The following PBK variants were observed in gnomAD, a reference collection of about 807,000 sequenced individuals.
PBK encodes the protein PDZ binding kinase, also known as lymphokine-activated killer T-cell-originated protein kinase.
In PBK, 22 loss-of-function variants were observed where a neutral mutation model predicts 33.5. The observed-to-expected ratio is 0.66, with a 90% CI of 0.47 to 0.94. The LOEUF (loss-of-function observed/expected upper bound fraction) is 0.94. Among genes scored for constraint, PBK ranks in the 40% least tolerant of loss-of-function variants. The pLI is 0.00. For synonymous variants in PBK, 129 were observed against 123.8 expected (o/e 1.04, Z -0.28); for missense variants, 376 against 383.4 (o/e 0.98, Z 0.16).
Position 27,809,857 on chromosome 8 carries a change from C to G in PBK, c.*448G>C, listed in dbSNP as rs578195214. ...TCTTTTTGAGGCATATTCTCCTCAG[C>G]TTCCAGTTATCATTTGATAAACACA... On this transcript the variant is annotated 3_prime_UTR_variant, in exon 8 of 8. Transcript: ENST00000301905. The G allele has an allele frequency of 6.4e-6, 1 of 155,088 alleles. No homozygotes were observed. Among genetic ancestry groups the G allele is most frequent in the African/African-American group, 2.4e-5 (1 of 41,590 alleles). The allele number at this position is 155,088 out of a possible 1,614,324, so 9.6% of individuals were successfully genotyped here.
chr8:27,819,111 A>G (rs1320139097), intron 6 of PBK, among the ~76,000 whole-genome samples: 1 of 152,096 alleles, frequency 6.6e-6, no homozygotes, highest in Admixed American at 6.5e-5. Context: ...GCTTTATAAA[A>G]CTTTTTATCT....
intron 2 of PBK, among the ~76,000 whole-genome samples, chr8:27,828,439 A>G (rs566772875): frequency 8.0e-4 from 122 of 152,226 alleles, no homozygotes; most frequent in African/African-American, 2.8e-3. Flanking sequence ...CCTACAAGCT[A>G]AGAACTGTTT....
At chr8:27,830,619 A>C (rs1483164728) in intron 2 of PBK, among the ~76,000 whole-genome samples, 1 of 152,236 alleles carries the variant, frequency 6.6e-6, no homozygotes, top group African/African-American at 2.4e-5. Context: ...TGAGCACTTA[A>C]AATGTGACTA....
rs111866395 is a variant in PBK at position 27,822,755 on chromosome 8, A to T, written c.296-267T>A. ...CAGCCCTACTTGTATTAAAAATGAAAAATGAAATCCAGGAAATTACCTAAA... is the reference window on the plus strand; with the variant it reads ...CAGCCCTACTTGTATTAAAAATGAATAATGAAATCCAGGAAATTACCTAAA... On this transcript the variant is annotated intron_variant, in intron 4 of 7. Coordinates refer to ENST00000301905, the MANE Select transcript of PBK (RefSeq NM_018492.4). 9.5e-3 allele frequency among the ~76,000 whole-genome samples: 1,443 copies of T among 152,284 alleles called. 26 individuals carry two copies. The highest frequency in any genetic ancestry group is 0.032 in the African/African-American group (1,347 of 41,574).
intron 1 of PBK, among the ~76,000 whole-genome samples, chr8:27,837,075 A>C (rs1032956388): frequency 6.6e-6 from 1 of 152,184 alleles, no homozygotes; most frequent in Non-Finnish European, 1.5e-5. Context: ...AGCAAAAAAA[A>C]CAGTGAATAT....
chr8:27,823,065 A>G lies in PBK; in HGVS notation c.293T>C (p.Val98Ala), dbSNP rs576669630. 8 of 1,590,476 alleles carry G rather than the reference A, an allele frequency of 5.0e-6. No individual in the cohort carries two copies. The African/African-American group carries it at 9.4e-5, about 19-fold the overall frequency. The change falls in exon 4 of 8, where the codon GTT (valine) becomes GCT (alanine). Residue 98 changes from valine to alanine, a missense_variant and splice_region_variant. Physicochemically the swap from Val to Ala is moderately conservative, Grantham distance 64. Coordinates refer to ENST00000301905, the MANE Select transcript of PBK (RefSeq NM_018492.4). ...ILKSLHHPNI[V>A]GYRAFTEAND... Reference sequence around the variant, plus strand: ...ACTGCTACCAAATTTAAACGTACCAACAATGTTTGGATGATGAAGGCTTTT... The same window carrying G: ...ACTGCTACCAAATTTAAACGTACCAGCAATGTTTGGATGATGAAGGCTTTT...
intron 1 of PBK, among the ~76,000 whole-genome samples, chr8:27,836,266 G>C (rs12678426): frequency 0.11 from 16,113 of 151,986 alleles, 965 homozygotes; most frequent in East Asian, 0.25. Context: ...TAGCAAGGGG[G>C]AGAATGAGAC....
intron 6 of PBK, chr8:27,811,974 T>C (rs567998130): frequency 5.9e-5 from 9 of 152,306 alleles, no homozygotes; most frequent in Non-Finnish European, 1.2e-4. Flanking sequence ...AACTTCACTA[T>C]AGCTGTTTTA....
At chr8:27,817,956 C>T (rs977158546) in intron 6 of PBK, among the ~76,000 whole-genome samples, 3 of 152,126 alleles carry the variant, frequency 2.0e-5, no homozygotes, top group Admixed American at 6.5e-5. Flanking sequence ...TGAATTGTGG[C>T]TAGGGTGGCT....
intron 6 of PBK, among the ~76,000 whole-genome samples, chr8:27,817,641 AT>A (rs542661814): frequency 6.7e-4 from 102 of 152,246 alleles, no homozygotes; most frequent in African/African-American, 2.3e-3. Flanking sequence ...TATAAAAAAA[AT>A]GCCTGTACTG....
chr8:27,823,973 A>C (rs530696562), intron 3 of PBK, among the ~76,000 whole-genome samples: 1 of 152,160 alleles, frequency 6.6e-6, no homozygotes, highest in Admixed American at 6.5e-5. Flanking sequence ...TAAGACAGAA[A>C]GTTTAATGGT....
rs777198967 is a variant in PBK, at chr8:27,810,297, G to A, written c.*8C>T. The A allele has an allele frequency of 1.9e-6, 3 of 1,592,378 alleles. No homozygotes were observed. Among genetic ancestry groups the A allele is most frequent in the Non-Finnish European group, 2.6e-6 (3 of 1,161,352 alleles). The stretch of plus-strand genomic sequence containing the variant: ...TTTACGCAAGCCACACTTCAGCTGA[G>A]ATGATCACTAGACATCTGTTTCCAG... On this transcript the variant is annotated 3_prime_UTR_variant, in exon 8 of 8. Coordinates refer to ENST00000301905, the MANE Select transcript of PBK (RefSeq NM_018492.4).
chr8:27,812,120 T>C (rs1365702031), intron 6 of PBK: 6 of 152,258 alleles, frequency 3.9e-5, no homozygotes, highest in African/African-American at 1.4e-4. Flanking sequence ...TAAATAAAAC[T>C]GGCAAGAGCA....
At chr8:27,821,280 A>T (rs1395021060) in intron 5 of PBK, among the ~76,000 whole-genome samples, 2 of 151,428 alleles carry the variant, frequency 1.3e-5, no homozygotes, top group African/African-American at 4.8e-5. Flanking sequence ...ATTTTTTTCC[A>T]AGACAGAGTC....
chr8:27,824,840 G>A (rs1441674994), intron 3 of PBK, among the ~76,000 whole-genome samples: 1 of 152,042 alleles, frequency 6.6e-6, no homozygotes, highest in Non-Finnish European at 1.5e-5. Context: ...TTTAATATTA[G>A]CAAACTGAAT....
chr8:27,811,408 A>G, intron 6 of PBK: 1 of 539,718 alleles, frequency 1.9e-6, no homozygotes, highest in Non-Finnish European at 3.3e-6. Context: ...GAGATTACAG[A>G]CTCTGGAGCC....
At chr8:27,821,006 T>TAAAG (rs1805917096) in intron 5 of PBK, among the ~76,000 whole-genome samples, 2 of 151,656 alleles carry the variant, frequency 1.3e-5, no homozygotes, top group Non-Finnish European at 2.9e-5. Flanking sequence ...GTATTTTTAG[T>TAAAG]AAAGACGAGG....
chr8:27,822,935 T>G (rs1007504602), intron 4 of PBK, 128 bp downstream of exon 4: 1 of 612,012 alleles, frequency 1.6e-6, no homozygotes, highest in Non-Finnish European at 2.8e-6. Flanking sequence ...TCACATTAAT[T>G]TGATACCCAT....
intron 1 of PBK, among the ~76,000 whole-genome samples, chr8:27,834,407 G>C (rs1806190097): frequency 6.6e-6 from 1 of 152,174 alleles, no homozygotes; most frequent in Non-Finnish European, 1.5e-5. Context: ...AGGACTGGGA[G>C]ACAAAGAATG....
Sources: gnomAD v4.1 joint callset for allele counts (sites outside exome capture counted in the v4.1 genomes callset) on GRCh38, gnomAD v4.1.1 for gene constraint, MANE v1.5 for transcripts, NCBI Gene and HGNC (gene_info 2026-07-23, HGNC 2026-07-21) for gene names.